Variants in KIAA1328 observed in about 807,000 individuals in gnomAD.
KIAA1328 encodes the protein KIAA1328, also known as protein hinderin.
Under a neutral mutation model 68.1 loss-of-function variants are expected in KIAA1328, and 52 were observed. The ratio of observed to expected loss-of-function variants is 0.76; its 90% CI spans 0.61 to 0.96. KIAA1328 has a LOEUF of 0.96. Ranked by LOEUF, KIAA1328 falls within the 40% of genes least tolerant of loss-of-function variation. The probability of loss-of-function intolerance (pLI) is 0.00; values close to 1 mark genes in which losing one functional copy is unlikely to be tolerated. For missense variants in KIAA1328, 641 were observed against 677.6 expected (o/e 0.95, Z 0.60); for synonymous variants, 232 against 239.4 (o/e 0.97, Z 0.28).
At chr18:37,110,875 T>A (rs1407875142) in intron 7 of KIAA1328, among the ~76,000 whole-genome samples, 2 of 152,150 alleles carry the variant, frequency 1.3e-5, no homozygotes, top group Admixed American at 1.3e-4. Context: ...TTTTTAATAA[T>A]CCTACAGAAA....
At chr18:36,853,886 G>A (rs946011437) in intron 4 of KIAA1328, among the ~76,000 whole-genome samples, 1 of 152,096 alleles carries the variant, frequency 6.6e-6, no homozygotes, top group Non-Finnish European at 1.5e-5. Flanking sequence ...TTGAACTCCT[G>A]ATCTCAGGTG....
At chr18:36,992,684 G>A (rs2053235465) in intron 6 of KIAA1328, among the ~76,000 whole-genome samples, 1 of 152,076 alleles carries the variant, frequency 6.6e-6, no homozygotes, top group Non-Finnish European at 1.5e-5. Context: ...CTTCTGTGAG[G>A]AGATAACGTT....
chr18:37,194,386 AT>A (rs1177795142), intron 9 of KIAA1328, among the ~76,000 whole-genome samples: 1 of 152,188 alleles, frequency 6.6e-6, no homozygotes, highest in Non-Finnish European at 1.5e-5. Context: ...AAAGTATTCT[AT>A]TTTTTTGTCC....
chr18:37,030,997 A>G (rs2054804322), intron 6 of KIAA1328, among the ~76,000 whole-genome samples: 1 of 152,130 alleles, frequency 6.6e-6, no homozygotes, highest in South Asian at 2.1e-4. Context: ...CCATGTCACT[A>G]CAAAGGACAT....
chr18:36,944,578 CA>C (rs199639972), intron 5 of KIAA1328, among the ~76,000 whole-genome samples: 3 of 148,784 alleles, frequency 2.0e-5, no homozygotes, highest in Non-Finnish European at 3.0e-5. Context: ...GACTCTGTCT[CA>C]AAAAAAAAAT....
At chr18:36,966,480 G>A (rs1042055705) in intron 6 of KIAA1328, among the ~76,000 whole-genome samples, 1 of 152,110 alleles carries the variant, frequency 6.6e-6, no homozygotes, top group African/African-American at 2.4e-5. Context: ...TGAGAAGGGA[G>A]GGAGCTATAT....
intron 7 of KIAA1328, among the ~76,000 whole-genome samples, chr18:37,096,365 A>G (rs1396296433): frequency 6.6e-6 from 1 of 152,110 alleles, no homozygotes; most frequent in Non-Finnish European, 1.5e-5. Context: ...GCTGAGAATG[A>G]TGGTTTCCAG....
chr18:36,998,812 G>A (rs571806889), intron 6 of KIAA1328, among the ~76,000 whole-genome samples: 1 of 152,264 alleles, frequency 6.6e-6, no homozygotes, highest in Admixed American at 6.5e-5. Flanking sequence ...TCAAAAATAG[G>A]AAGAAGCGAC....
At chr18:37,142,775 A>G (rs909821812) in intron 7 of KIAA1328, among the ~76,000 whole-genome samples, 1 of 152,078 alleles carries the variant, frequency 6.6e-6, no homozygotes, top group Non-Finnish European at 1.5e-5. Flanking sequence ...TTACTTTTTT[A>G]TTAAAAATTA....
intron 6 of KIAA1328, among the ~76,000 whole-genome samples, chr18:37,065,185 A>G (rs995381535): frequency 6.6e-6 from 1 of 152,242 alleles, no homozygotes; most frequent in African/African-American, 2.4e-5. Context: ...TAAGTGTTCA[A>G]TACACAGAAG....
chr18:36,896,601 G>T (rs148964236), intron 5 of KIAA1328, among the ~76,000 whole-genome samples: 3 of 152,092 alleles, frequency 2.0e-5, no homozygotes, highest in African/African-American at 7.2e-5. Flanking sequence ...ACATTTATTT[G>T]CTGCATCTTT....
intron 7 of KIAA1328, among the ~76,000 whole-genome samples, chr18:37,118,898 A>T (rs1599338925): frequency 6.6e-6 from 1 of 152,140 alleles, no homozygotes; most frequent in South Asian, 2.1e-4. Flanking sequence ...ATCCCAGAGG[A>T]CCTTTCCCTA....
At chr18:36,948,264 T>G (rs1182606911) in intron 5 of KIAA1328, among the ~76,000 whole-genome samples, 3 of 117,382 alleles carry the variant, frequency 2.6e-5, no homozygotes, top group Admixed American at 8.7e-5. Context: ...GTCTTTTGTT[T>G]TTTTTTTTTT....
At chr18:36,985,273 C>T (rs2052869834) in intron 6 of KIAA1328, among the ~76,000 whole-genome samples, 1 of 152,196 alleles carries the variant, frequency 6.6e-6, no homozygotes, top group African/African-American at 2.4e-5. Context: ...GCACTCCAAC[C>T]TGTGCAACAG....
chr18:36,927,040 A>C (rs1006329444), intron 5 of KIAA1328, among the ~76,000 whole-genome samples: 1 of 152,282 alleles, frequency 6.6e-6, no homozygotes, highest in East Asian at 1.9e-4. Flanking sequence ...TCATCACCAA[A>C]GGGATTGTTG....
chr18:37,137,652 C>G (rs866947941), intron 7 of KIAA1328, among the ~76,000 whole-genome samples: 11 of 152,174 alleles, frequency 7.2e-5, no homozygotes, highest in African/African-American at 2.4e-4. Context: ...TTCTTTCTTT[C>G]TCTGCTTATC....
At chr18:37,099,837 C>A (rs886656351) in intron 7 of KIAA1328, among the ~76,000 whole-genome samples, 6 of 152,180 alleles carry the variant, frequency 3.9e-5, no homozygotes, top group African/African-American at 9.6e-5. Flanking sequence ...TAATGGCCTT[C>A]TTTGTCTCTT....
At chr18:37,187,459 G>A (rs1198824847) in intron 9 of KIAA1328, among the ~76,000 whole-genome samples, 1 of 152,154 alleles carries the variant, frequency 6.6e-6, no homozygotes, top group Admixed American at 6.6e-5. Context: ...TAGCAAGATA[G>A]AAAGCAGACA....
intron 7 of KIAA1328, among the ~76,000 whole-genome samples, chr18:37,087,830 C>A (rs922402567): frequency 6.6e-6 from 1 of 152,166 alleles, no homozygotes; most frequent in Non-Finnish European, 1.5e-5. Context: ...ATGGGCTCAT[C>A]ACTTGTTACA....
Sources: gnomAD v4.1 joint callset for allele counts (sites outside exome capture counted in the v4.1 genomes callset) on GRCh38, gnomAD v4.1.1 for gene constraint, MANE v1.5 for transcripts, NCBI Gene and HGNC (gene_info 2026-07-23, HGNC 2026-07-21) for gene names.